STAT5A: variants seen among roughly 807,000 people sequenced by gnomAD.
STAT5A encodes epididymis secretory sperm binding protein.
In STAT5A, 26 loss-of-function variants were observed where a neutral mutation model predicts 100.2. The ratio of observed to expected loss-of-function variants is 0.26; its 90% CI spans 0.19 to 0.36. The LOEUF is 0.36. STAT5A is among the 10% of genes least tolerant of loss of function. The probability of loss-of-function intolerance (pLI) is 1.00; values close to 1 mark genes in which losing one functional copy is unlikely to be tolerated. For synonymous variants in STAT5A, 330 were observed against 424.3 expected (o/e 0.78, Z 2.73); for missense variants, 634 against 1,027.5 (o/e 0.62, Z 5.24).
intron 3 of STAT5A, 92 bp from the exon 4 acceptor site, chr17:42,291,880 G>A: frequency 7.2e-7 from 1 of 1,380,788 alleles, no homozygotes; most frequent in Non-Finnish European, 1.0e-6. Context: ...AGCTGAGGCA[G>A]AGGCTGAAGG....
At chr17:42,309,795 G>A (rs2081063183) in intron 18 of STAT5A, 1 of 277,098 alleles carries the variant, frequency 3.6e-6, no homozygotes, top group African/African-American at 2.2e-5. Flanking sequence ...GAGACAGTGT[G>A]GGTGAAGCAT....
chr17:42,311,715 T>G lies in STAT5A; in HGVS notation c.*1046T>G, dbSNP rs1304014411. ...GGGCCTGGAGCAGGCCTTGCGCTGT[T>G]GCGTAACTGGCTGTGTTCTGGTGAG... On this transcript the variant is annotated 3_prime_UTR_variant, in exon 19 of 19. Transcript: ENST00000590949. The G allele has an allele frequency of 6.6e-6, 1 of 152,638 alleles. No homozygotes were observed. The highest frequency in any genetic ancestry group is 1.9e-4 in the East Asian group (1 of 5,216). 9.5% of individuals were successfully genotyped at this position (152,638 alleles called of 1,614,324 possible).
chr17:42,308,419 A>C lies in STAT5A; in HGVS notation c.2062+86A>C. 6.3e-7 allele frequency: 1 copy of C among 1,592,516 alleles called. No individual in the cohort carries two copies. Among genetic ancestry groups the C allele is most frequent in the Non-Finnish European group, 8.6e-7 (1 of 1,167,744 alleles). On this transcript the variant is annotated intron_variant, in intron 16 of 18. Coordinates refer to ENST00000590949, the MANE Select transcript of STAT5A (RefSeq NM_001288718.2). This position sits in a 1 kb window ranked among gnomAD's most constrained non-coding sequence, Gnocchi z 4.6. ...CAAAGCCTTGGGCTGCGCCGTGGGG[A>C]CTTCCCCAGGAGGAGCCTAGGGGCC...
chr17:42,301,484 A>G (rs780975229), intron 9 of STAT5A, 30 bp downstream of exon 9: 5 of 1,613,032 alleles, frequency 3.1e-6, no homozygotes, highest in Non-Finnish European at 3.4e-6. Context: ...CCCCTGCCCA[A>G]GCTTAGGTGT....
chr17:42,305,530 A>T, intron 11 of STAT5A, 80 bp from the exon 12 acceptor site: 1 of 1,164,868 alleles, frequency 8.6e-7, no homozygotes, highest in African/African-American at 1.6e-5. Flanking sequence ...AAAAAAAATA[A>T]AGCAGATTGG....
chr17:42,287,834 A>G (rs1434771424), upstream of STAT5A: 1 of 152,244 alleles, frequency 6.6e-6, no homozygotes, highest in African/African-American at 2.4e-5. Context: ...GACTGCCAAG[A>G]TTCTTTCCAG....
intron 4 of STAT5A, among the ~76,000 whole-genome samples, chr17:42,295,161 C>T (rs988074297): frequency 1.3e-5 from 2 of 152,162 alleles, no homozygotes; most frequent in Non-Finnish European, 2.9e-5. Context: ...GGTGTGTGTT[C>T]ACACAGCCCT....
chr17:42,308,428 G>C lies in STAT5A; in HGVS notation c.2062+95G>C. The C allele has an allele frequency of 6.4e-7, 1 of 1,569,232 alleles. No individual in the cohort carries two copies. The highest frequency in any genetic ancestry group is 8.7e-7 in the Non-Finnish European group (1 of 1,150,778). The stretch of plus-strand genomic sequence containing the variant: ...GGGCTGCGCCGTGGGGACTTCCCCA[G>C]GAGGAGCCTAGGGGCCATGTCCCCT... On this transcript the variant is annotated intron_variant, in intron 16 of 18. Transcript: ENST00000590949. The surrounding 1 kb of genome is among the most constrained non-coding windows in gnomAD (Gnocchi z 4.6).
rs188061471 is a variant in STAT5A at position 42,310,090 on chromosome 17, G to A, written c.2223-417G>A. ...GTCAATACCCACTCTCCAGTTGGCT[G>A]TAAAAATTGGAGTCATGTGCTCAAT... On this transcript the variant is annotated intron_variant, in intron 18 of 18. Transcript: ENST00000590949. 1.9e-3 allele frequency among the ~76,000 whole-genome samples: 295 copies of A among 152,368 alleles called. 2 individuals carry two copies. Among genetic ancestry groups the A allele is most frequent in the African/African-American group, 6.8e-3 (284 of 41,586 alleles).
chr17:42,293,444 ATC>A (rs1247135197), intron 4 of STAT5A, among the ~76,000 whole-genome samples: 2 of 152,152 alleles, frequency 1.3e-5, no homozygotes, highest in Non-Finnish European at 2.9e-5. Flanking sequence ...ACTTCAAGTG[ATC>A]CACCTGCCTC....
intron 4 of STAT5A, among the ~76,000 whole-genome samples, chr17:42,293,197 ATTTG>A (rs542225052): frequency 1.2e-4 from 18 of 152,080 alleles, no homozygotes; most frequent in African/African-American, 2.7e-4. Context: ...TTCTTTCTTT[ATTTG>A]TTTGTTTGTT....
In STAT5A at chr17:42,304,191, C is replaced by G. The variant is rs562025551; in HGVS notation, c.1170-151C>G. The G allele has an allele frequency of 7.2e-5, 51 of 703,580 alleles. No homozygotes were observed. In the African/African-American group the frequency reaches 7.8e-4, roughly 11 times the overall value. 43.6% of individuals were successfully genotyped at this position (703,580 alleles called of 1,614,324 possible). A position where few individuals can be genotyped will look rare whatever the true frequency, so the allele number is the denominator to read the frequency against. On this transcript the variant is annotated intron_variant, in intron 9 of 18. Transcript: ENST00000590949. This position sits in a 1 kb window ranked among gnomAD's most constrained non-coding sequence, Gnocchi z 4.8. ...CCAGGTTGATGGAGAAGTCAGTAAC[C>G]CAGAAAGACGCCAAGAAACACTCTT...
intron 11 of STAT5A, among the ~76,000 whole-genome samples, chr17:42,305,192 C>G (rs1377827965): frequency 6.6e-6 from 1 of 151,998 alleles, no homozygotes; most frequent in Non-Finnish European, 1.5e-5. Flanking sequence ...CGAGCGAGAC[C>G]CTGTCTCGAA....
chr17:42,299,780 C>G lies in STAT5A; in HGVS notation c.580C>G (p.Pro194Ala), dbSNP rs1314655783. ...GTTTGCCCAGCTGGCCCAGCTGAGC[C>G]CCCAGGAGCGTCTGAGCCGGGAGAC... is the stretch of plus-strand genomic sequence containing the variant. ...AQFAQLAQLS[P>A]QERLSRETAL... Residue 194 changes from proline to alanine, a missense_variant, in exon 6 of 19, where the codon CCC becomes GCC. Transcript: ENST00000590949. 1.2e-6 allele frequency: 2 copies of G among 1,614,162 alleles called. No homozygotes were observed. Among genetic ancestry groups the G allele is most frequent in the Non-Finnish European group, 8.5e-7 (1 of 1,180,020 alleles).
rs2081086522 is a variant in STAT5A at position 42,311,842 on chromosome 17, C to G, written c.*1173C>G. ...TTGAGAGCCCAAGGTTTAAACTTCT[C>G]TGAAGGGAGGTGGGGATGAGAAGAG... On this transcript the variant is annotated 3_prime_UTR_variant, in exon 19 of 19. Coordinates refer to ENST00000590949, the MANE Select transcript of STAT5A (RefSeq NM_001288718.2). The G allele has an allele frequency of 6.5e-6, 1 of 152,760 alleles. No homozygotes were observed. Among genetic ancestry groups the G allele is most frequent in the Non-Finnish European group, 1.5e-5 (1 of 68,066 alleles). 9.5% of individuals were successfully genotyped at this position (152,760 alleles called of 1,614,324 possible).
chr17:42,307,782 C>G (rs2081043978), intron 15 of STAT5A, 59 bp downstream of exon 15: 11 of 1,586,946 alleles, frequency 6.9e-6, no homozygotes, highest in Non-Finnish European at 9.5e-6. Flanking sequence ...TTCCCTTGCC[C>G]CGCCACCCCA....
Position 42,310,721 on chromosome 17 carries a change from C to G in STAT5A, c.*52C>G. 1 of 1,609,812 alleles carries G rather than the reference C, an allele frequency of 6.2e-7. No individual in the cohort carries two copies. Among genetic ancestry groups the G allele is most frequent in the Non-Finnish European group, 8.5e-7 (1 of 1,177,318 alleles). On this transcript the variant is annotated 3_prime_UTR_variant, in exon 19 of 19. Coordinates refer to ENST00000590949, the MANE Select transcript of STAT5A (RefSeq NM_001288718.2). ...GAAACAATATGCAATGTGAAGCGGT[C>G]GTGTTGTGAGTTTAGTAAGGCTGTG...
intron 12 of STAT5A, chr17:42,306,021 G>A: frequency 2.7e-6 from 2 of 748,790 alleles, no homozygotes; most frequent in East Asian, 2.7e-5. Flanking sequence ...CTCTGTCCCT[G>A]CATGCCCCCA....
At chr17:42,302,667 C>T (rs1422777828) in intron 9 of STAT5A, among the ~76,000 whole-genome samples, 2 of 152,250 alleles carry the variant, frequency 1.3e-5, no homozygotes, top group Non-Finnish European at 2.9e-5. Flanking sequence ...GGCGAGGTGG[C>T]TCACGCCTGT....
Sources: gnomAD v4.1 joint callset for allele counts (sites outside exome capture counted in the v4.1 genomes callset) on GRCh38, gnomAD v4.1.1 for gene constraint, Gnocchi (gnomAD v3.1) non-coding constraint, MANE v1.5 for transcripts, NCBI Gene and HGNC (gene_info 2026-07-23, HGNC 2026-07-21) for gene names.